The following ATP10A variants were observed in gnomAD, a reference collection of about 807,000 sequenced individuals.
ATP10A encodes phospholipid-transporting ATPase VA.
ATP10A carries 111 observed loss-of-function variants against 147.8 expected under a neutral mutation model. The observed-to-expected ratio is 0.75, with a 90% CI of 0.64 to 0.88. The LOEUF is 0.88. ATP10A is among the 40% of genes least tolerant of loss of function. The pLI is 0.00. For missense variants in ATP10A, 1,927 were observed against 1,959.0 expected (o/e 0.98, Z 0.31); for synonymous variants, 875 against 841.6 (o/e 1.04, Z -0.69).
At chr15:25,817,030 T>C (rs1389753227) in intron 1 of ATP10A, among the ~76,000 whole-genome samples, 1 of 152,172 alleles carries the variant, frequency 6.6e-6, no homozygotes, top group East Asian at 1.9e-4. Context: ...TAATATACTA[T>C]CTATAATGCA....
Position 25,713,713 on chromosome 15 carries a change from C to T in ATP10A, c.2305G>A (p.Asp769Asn), listed in dbSNP as rs760250378. The T allele has an allele frequency of 4.3e-6, 7 of 1,614,090 alleles. No individual in the cohort carries two copies. Among genetic ancestry groups the T allele is most frequent in the Non-Finnish European group, 5.1e-6 (6 of 1,180,008 alleles). ...DEINVYTKGA[D>N]SVVMDLLQPC... is the part of the protein sequence containing the mutation. ...TGCAGGAGATCCATGACCACTGAGT[C>T]GGCCCCCTTGGTGTAGACGTTGATC... The change falls in exon 10 of 21, where the codon GAC becomes AAC. Residue 769 changes from aspartate to asparagine, a missense_variant. By Grantham distance (23) the Asp-to-Asn change is conservative. Coordinates refer to ENST00000555815, the MANE Select transcript of ATP10A (RefSeq NM_024490.4).
chr15:25,804,076 G>GGT lies in ATP10A; in HGVS notation c.450-22855_450-22854dup, dbSNP rs5811398. Among the ~76,000 whole-genome samples, 368 of 144,296 alleles carry GGT rather than the reference G, an allele frequency of 2.6e-3. 3 individuals carry two copies. The highest frequency in any genetic ancestry group is 8.6e-3 in the African/African-American group (333 of 38,668). 94.7% of individuals were successfully genotyped at this position (144,296 alleles called of 152,430 possible). A position where few individuals can be genotyped will look rare whatever the true frequency, so the allele number is the denominator to read the frequency against. ...ATATGTGTGGTGTGTCTACGTGCAT[G>GGT]GTGTGTGTGTGTGTGTGTGTGTGGT... On this transcript the variant is annotated intron_variant, in intron 1 of 20. Transcript: ENST00000555815.
chr15:25,820,649 A>C (rs1460299452), intron 1 of ATP10A, among the ~76,000 whole-genome samples: 1 of 152,214 alleles, frequency 6.6e-6, no homozygotes, highest in Non-Finnish European at 1.5e-5. Context: ...TCTGGGAAAA[A>C]ATGTTTTAAA....
At chr15:25,800,115 C>G (rs1025331934) in intron 1 of ATP10A, among the ~76,000 whole-genome samples, 3 of 152,170 alleles carry the variant, frequency 2.0e-5, no homozygotes, top group Admixed American at 2.0e-4. Flanking sequence ...CGCAAGGGTG[C>G]ACGCAACAGC....
intron 3 of ATP10A, among the ~76,000 whole-genome samples, chr15:25,733,364 G>A (rs947246247): frequency 2.0e-5 from 3 of 152,174 alleles, no homozygotes; most frequent in East Asian, 1.9e-4. Flanking sequence ...GACGGATAGC[G>A]TTACCAGGCC....
At chr15:25,815,216 C>T (rs1029656723) in intron 1 of ATP10A, among the ~76,000 whole-genome samples, 4 of 152,176 alleles carry the variant, frequency 2.6e-5, no homozygotes, top group African/African-American at 7.2e-5. Flanking sequence ...TGCCTACTCA[C>T]TTAAACAACC....
chr15:25,729,919 C>A (rs144637400), intron 3 of ATP10A, among the ~76,000 whole-genome samples: 2,134 of 152,198 alleles, frequency 0.014, 26 homozygotes, highest in Non-Finnish European at 0.018. Flanking sequence ...GAAGGCTGCC[C>A]GGCCCTTGGC....
chr15:25,811,984 G>C (rs972526148), intron 1 of ATP10A, among the ~76,000 whole-genome samples: 4 of 152,224 alleles, frequency 2.6e-5, no homozygotes, highest in African/African-American at 9.6e-5. Flanking sequence ...TGGTGCAGAA[G>C]CATCACGGAG....
rs1485442427 is a variant in ATP10A at position 25,716,868 on chromosome 15, C to T, written c.1638G>A (p.Lys546=). ...CCTGATGCCTCGCCACGGCTAGGCT[C>T]TTGTCACACTCACTCACCTTCTCCA... ...KLLEKVSECD[K]SLAVARHQEH... is the part of the protein sequence containing the mutation. Residue 546 remains lysine, a synonymous_variant, in exon 9 of 21, where the codon AAG becomes AAA. Coordinates refer to ENST00000555815, the MANE Select transcript of ATP10A (RefSeq NM_024490.4). 3 of 1,607,336 alleles carry T rather than the reference C, an allele frequency of 1.9e-6. No individual in the cohort carries two copies. Among genetic ancestry groups the T allele is most frequent in the Non-Finnish European group, 2.5e-6 (3 of 1,177,008 alleles).
chr15:25,737,672 C>T (rs985998210), intron 2 of ATP10A, among the ~76,000 whole-genome samples: 3 of 152,044 alleles, frequency 2.0e-5, no homozygotes, highest in African/African-American at 7.2e-5. Flanking sequence ...TGAACTGGAG[C>T]CCCTCATCCG....
chr15:25,755,206 A>T (rs2140600134), intron 2 of ATP10A, among the ~76,000 whole-genome samples: 1 of 152,262 alleles, frequency 6.6e-6, no homozygotes, highest in East Asian at 1.9e-4. Flanking sequence ...ATAGTTCGAA[A>T]ATTTCCTAAA....
chr15:25,860,102 T>G (rs929192308), intron 1 of ATP10A, among the ~76,000 whole-genome samples: 44 of 152,162 alleles, frequency 2.9e-4, no homozygotes, highest in African/African-American at 1.1e-3. Flanking sequence ...TTTCCTTGGC[T>G]GCTCTGTGCT....
chr15:25,673,763 G>A (rs1384402671), downstream of ATP10A, among the ~76,000 whole-genome samples: 1 of 152,150 alleles, frequency 6.6e-6, no homozygotes, highest in African/African-American at 2.4e-5. Context: ...TGCATTTAAA[G>A]AAGGGAGGGG....
At chr15:25,704,486 C>T (rs764469058) in intron 12 of ATP10A, among the ~76,000 whole-genome samples, 4 of 152,264 alleles carry the variant, frequency 2.6e-5, no homozygotes, top group Non-Finnish European at 2.9e-5. Flanking sequence ...AAGGCCTTGC[C>T]GGAAACTCCA....
chr15:25,841,128 G>A (rs1892793842), intron 1 of ATP10A, among the ~76,000 whole-genome samples: 1 of 152,150 alleles, frequency 6.6e-6, no homozygotes, highest in African/African-American at 2.4e-5. Flanking sequence ...CACAGCAAAG[G>A]ATAATGCTTT....
At chr15:25,790,104 C>T (rs978127049) in intron 1 of ATP10A, among the ~76,000 whole-genome samples, 1 of 152,078 alleles carries the variant, frequency 6.6e-6, no homozygotes, top group Admixed American at 6.5e-5. Context: ...TGTTGCATAA[C>T]GCCCAGAATG....
chr15:25,828,626 G>C (rs1421948829), intron 1 of ATP10A, among the ~76,000 whole-genome samples: 1 of 152,202 alleles, frequency 6.6e-6, no homozygotes, highest in Non-Finnish European at 1.5e-5. Context: ...AAACATACGG[G>C]ATGCAGCTAA....
Position 25,706,844 on chromosome 15 carries a change from G to A in ATP10A, c.2575+1132C>T, listed in dbSNP as rs142081858. Among the ~76,000 whole-genome samples the A allele has an allele frequency of 4.6e-3, 695 of 152,276 alleles. 9 individuals carry two copies. Among genetic ancestry groups the A allele is most frequent in the African/African-American group, 0.016 (649 of 41,552 alleles). On this transcript the variant is annotated intron_variant, in intron 12 of 20. Coordinates refer to ENST00000555815, the MANE Select transcript of ATP10A (RefSeq NM_024490.4). ...ACAAGCCTGGTCAATGAGGCTGGGCGGGCACGTCTGGGACAACCAGCAGAT... is the reference window on the plus strand; with the variant it reads ...ACAAGCCTGGTCAATGAGGCTGGGCAGGCACGTCTGGGACAACCAGCAGAT...
intron 2 of ATP10A, among the ~76,000 whole-genome samples, chr15:25,769,028 A>G (rs1012134808): frequency 1.3e-5 from 2 of 152,220 alleles, no homozygotes; most frequent in African/African-American, 4.8e-5. Context: ...AATGTTTAAT[A>G]GAATTTCTGT....
Sources: allele counts gnomAD v4.1 joint callset (sites outside exome capture counted in the v4.1 genomes callset), GRCh38; gene constraint gnomAD v4.1.1; transcripts MANE v1.5; gene names NCBI Gene and HGNC (gene_info 2026-07-23, HGNC 2026-07-21).